CRYZL1: variants seen among roughly 807,000 people sequenced by gnomAD.
The protein encoded by CRYZL1 is crystallin zeta like 1, also known as ferry endosomal RAB5 effector complex subunit 4.
Under a neutral mutation model 50.6 loss-of-function variants are expected in CRYZL1, and 34 were observed. The ratio of observed to expected loss-of-function variants is 0.67; its 90% CI spans 0.51 to 0.89. CRYZL1 has a LOEUF of 0.89. CRYZL1 is among the 40% of genes least tolerant of loss of function. The probability of loss-of-function intolerance (pLI) is 0.00; values close to 1 mark genes in which losing one functional copy is unlikely to be tolerated. For missense variants in CRYZL1, 354 were observed against 402.3 expected, an observed-to-expected ratio of 0.88 and a Z score of 1.03; for synonymous variants, 125 against 134.3, an observed-to-expected ratio of 0.93 and a Z score of 0.48.
chr21:33,627,907 G>A (rs1278915781), intron 2 of CRYZL1, among the ~76,000 whole-genome samples: 1 of 152,004 alleles, frequency 6.6e-6, no homozygotes, highest in Non-Finnish European at 1.5e-5. Context: ...ACCACGCCTG[G>A]CTAATTTTTT....
At chr21:33,606,635 A>T (rs2086817602) in intron 6 of CRYZL1, among the ~76,000 whole-genome samples, 1 of 151,950 alleles carries the variant, frequency 6.6e-6, no homozygotes, top group Non-Finnish European at 1.5e-5. Flanking sequence ...CAAAAAAAAA[A>T]TTGCATGGTT....
At chr21:33,632,301 C>T (rs2087148450) in intron 1 of CRYZL1, among the ~76,000 whole-genome samples, 1 of 151,990 alleles carries the variant, frequency 6.6e-6, no homozygotes, top group African/African-American at 2.4e-5. Context: ...CATTGCACTT[C>T]AGCCTGGGGA....
Position 33,591,222 on chromosome 21 carries a change from T to G in CRYZL1, c.905-15A>C. On this transcript the variant is annotated splice_polypyrimidine_tract_variant and intron_variant, in intron 11 of 12. Transcript: ENST00000381554. ...CTTTAAGATACGTAGCTGGAAGGAT[T>G]GTTAAGGTGGCAATGTAAAGGAGAA... 1 of 1,605,022 alleles carries G rather than the reference T, an allele frequency of 6.2e-7. No homozygotes were observed. The highest frequency in any genetic ancestry group is 8.5e-7 in the Non-Finnish European group (1 of 1,171,844).
At chr21:33,631,394 T>C in intron 2 of CRYZL1, 92 bp downstream of exon 2, 1 of 881,234 alleles carries the variant, frequency 1.1e-6, no homozygotes, top group Non-Finnish European at 1.7e-6. Flanking sequence ...ATTTTGTTCA[T>C]TAAGTCTCAC....
chr21:33,626,639 G>T (rs1457897582), intron 2 of CRYZL1, among the ~76,000 whole-genome samples: 1 of 151,500 alleles, frequency 6.6e-6, no homozygotes, highest in African/African-American at 2.4e-5. Context: ...GGAGGTTGCA[G>T]CGAGCTGATA....
chr21:33,617,847 C>T (rs1385620494), intron 4 of CRYZL1, among the ~76,000 whole-genome samples: 3 of 152,134 alleles, frequency 2.0e-5, no homozygotes. Context: ...GATTTCATTT[C>T]TGCCTTTTAG....
chr21:33,590,302 C>T (rs2086630751), intron 12 of CRYZL1, among the ~76,000 whole-genome samples: 1 of 152,080 alleles, frequency 6.6e-6, no homozygotes, highest in South Asian at 2.1e-4. Flanking sequence ...CAGGCATGAG[C>T]CACTGCACCC....
At position 33,596,721 on chromosome 21, in the gene CRYZL1, G is replaced by A. The variant is rs6517182; in HGVS notation, c.798+559C>T. On this transcript the variant is annotated intron_variant, in intron 10 of 12. Coordinates refer to ENST00000381554, the MANE Select transcript of CRYZL1 (RefSeq NM_145858.3). ...TCACTAAATAAAATTACACTTCATC[G>A]TCATTGAAAGGATGTCTCTACTAGG... Among the ~76,000 whole-genome samples, 1,049 of 151,338 alleles carry A rather than the reference G, an allele frequency of 6.9e-3. 14 individuals are homozygous for A. Among genetic ancestry groups the A allele is most frequent in the African/African-American group, 0.023 (966 of 41,236 alleles).
chr21:33,603,464 A>G lies in CRYZL1; in HGVS notation c.405T>C (p.Ala135=). 2 of 1,614,178 alleles carry G rather than the reference A, an allele frequency of 1.2e-6. No individual in the cohort carries two copies. Among genetic ancestry groups the G allele is most frequent in the Non-Finnish European group, 1.7e-6 (2 of 1,180,030 alleles). The change falls in exon 7 of 13, where the codon GCT becomes GCC. Residue 135 remains alanine, a synonymous_variant. Transcript: ENST00000381554. ...SIRDGVRAYT[A]LHYLSHLSPG... ...GAGAGAGATGAGAAAGATAATGCAG[A>G]GCTGTATAGGCACGCACTCCATCCC...
At chr21:33,623,793 A>T (rs189982501) in intron 3 of CRYZL1, among the ~76,000 whole-genome samples, 1 of 152,320 alleles carries the variant, frequency 6.6e-6, no homozygotes, top group Non-Finnish European at 1.5e-5. Context: ...GAGTAAATGG[A>T]CCTGCTCAAT....
At chr21:33,620,526 A>G (rs77174430) in intron 4 of CRYZL1, among the ~76,000 whole-genome samples, 16 of 151,624 alleles carry the variant, frequency 1.1e-4, no homozygotes, top group Admixed American at 2.6e-4. Context: ...AAAAAAAAAA[A>G]GGGGCCAGGG....
intron 6 of CRYZL1, among the ~76,000 whole-genome samples, chr21:33,608,320 C>T (rs1377778079): frequency 5.3e-5 from 8 of 151,942 alleles, no homozygotes; most frequent in East Asian, 1.9e-4. Flanking sequence ...CCAGGTGTGG[C>T]GGCTGGCACC....
At chr21:33,595,958 C>T in intron 10 of CRYZL1, 122 bp from the exon 11 acceptor site, 2 of 687,162 alleles carry the variant, frequency 2.9e-6, no homozygotes, top group Admixed American at 5.2e-5. Flanking sequence ...AAAATATGCA[C>T]ATAAACTTTA....
At chr21:33,627,391 G>T (rs1046942136) in intron 2 of CRYZL1, among the ~76,000 whole-genome samples, 1 of 152,092 alleles carries the variant, frequency 6.6e-6, no homozygotes, top group Non-Finnish European at 1.5e-5. Flanking sequence ...GTGCCACTGT[G>T]CCTGGCCTAA....
chr21:33,613,067 C>T (rs1328697885), intron 6 of CRYZL1, among the ~76,000 whole-genome samples: 3 of 152,188 alleles, frequency 2.0e-5, no homozygotes, highest in Admixed American at 2.0e-4. Context: ...CTCAGGTGAC[C>T]TGCCCACCTT....
chr21:33,626,617 A>G (rs2087067267), intron 2 of CRYZL1, among the ~76,000 whole-genome samples: 2 of 151,782 alleles, frequency 1.3e-5, no homozygotes, highest in Admixed American at 1.3e-4. Context: ...GAACTGCTTG[A>G]ACCCAGGAGG....
intron 3 of CRYZL1, among the ~76,000 whole-genome samples, chr21:33,623,485 T>C (rs1175483943): frequency 6.6e-6 from 1 of 152,206 alleles, no homozygotes; most frequent in Non-Finnish European, 1.5e-5. Flanking sequence ...TGGATTTTAA[T>C]GGATTTTTCC....
At chr21:33,613,756 G>A (rs1333765785) in intron 5 of CRYZL1, 150 bp from the exon 6 acceptor site, 1 of 634,184 alleles carries the variant, frequency 1.6e-6, no homozygotes, top group South Asian at 1.9e-5. Flanking sequence ...GAAATGGGAT[G>A]GGAAGTGCAC....
At chr21:33,634,880 A>ATATATATATAT (rs1491448633) in intron 1 of CRYZL1, among the ~76,000 whole-genome samples, 2 of 144,400 alleles carry the variant, frequency 1.4e-5, no homozygotes, top group Non-Finnish European at 1.5e-5. Flanking sequence ...CAACAACAAC[A>ATATATATATAT]ATATATATAT....
Sources: gnomAD v4.1 joint callset for allele counts (sites outside exome capture counted in the v4.1 genomes callset) on GRCh38, gnomAD v4.1.1 for gene constraint, MANE v1.5 for transcripts, NCBI Gene and HGNC (gene_info 2026-07-23, HGNC 2026-07-21) for gene names.